Variants in FNDC3A observed in about 807,000 individuals in gnomAD.
FNDC3A encodes fibronectin type III domain containing 3A, also known as fibronectin type-III domain-containing protein 3A.
In FNDC3A, 32 loss-of-function variants were observed where a neutral mutation model predicts 148.9. The observed-to-expected ratio is 0.21, with a 90% CI of 0.16 to 0.29. The LOEUF is 0.29. Among genes scored for constraint, FNDC3A ranks in the 10% least tolerant of loss-of-function variants. The probability of loss-of-function intolerance (pLI) is 1.00; values close to 1 mark genes in which losing one functional copy is unlikely to be tolerated. For missense variants in FNDC3A, 1,191 were observed against 1,452.8 expected, an observed-to-expected ratio of 0.82 and a Z score of 2.93; for synonymous variants, 472 against 473.6, an observed-to-expected ratio of 1.00 and a Z score of 0.04.
At chr13:49,125,604 G>A (rs1026000166) in intron 4 of FNDC3A, among the ~76,000 whole-genome samples, 1 of 152,106 alleles carries the variant, frequency 6.6e-6, no homozygotes, top group Non-Finnish European at 1.5e-5. Flanking sequence ...TAAAGAGAGG[G>A]AGAAAGAAAT....
Position 48,992,151 on chromosome 13 carries a change from A to G in FNDC3A, c.-39-14001A>G, listed in dbSNP as rs115645401. On this transcript the variant is annotated intron_variant, in intron 1 of 25. Coordinates refer to ENST00000492622, the MANE Select transcript of FNDC3A (RefSeq NM_001079673.2). ...TAATGCAATTTTAGCAGAGATTTCA[A>G]TACCCCTCTCAATGGAAAGTAGAAA... 3.3e-3 allele frequency among the ~76,000 whole-genome samples: 501 copies of G among 152,376 alleles called. 4 individuals are homozygous for G. Among genetic ancestry groups the G allele is most frequent in the African/African-American group, 0.01 (430 of 41,590 alleles).
Position 49,138,817 on chromosome 13 carries a change from A to G in FNDC3A, c.819+12A>G. On this transcript the variant is annotated intron_variant, in intron 7 of 25. Transcript: ENST00000492622. The stretch of plus-strand genomic sequence containing the variant: ...TTGTCAAACCAGTGGTAAGTATCTT[A>G]TGTATTTTATTGATGTTTATATTTA... The G allele has an allele frequency of 7.2e-7, 1 of 1,380,508 alleles. No homozygotes were observed. Among genetic ancestry groups the G allele is most frequent in the Non-Finnish European group, 1.0e-6 (1 of 992,400 alleles). 85.5% of individuals were successfully genotyped at this position (1,380,508 alleles called of 1,614,324 possible).
chr13:49,150,557 A>G (rs1324782535), intron 8 of FNDC3A, among the ~76,000 whole-genome samples: 1 of 151,960 alleles, frequency 6.6e-6, no homozygotes. Flanking sequence ...TTTAGTTTCC[A>G]GGTAGTTGCA....
At chr13:49,164,027 C>CAGGG (rs1884316854) in intron 8 of FNDC3A, among the ~76,000 whole-genome samples, 1 of 152,124 alleles carries the variant, frequency 6.6e-6, no homozygotes, top group Admixed American at 6.5e-5. Flanking sequence ...CCCTTTGTTC[C>CAGGG]AGGTGTAAGA....
intron 10 of FNDC3A, among the ~76,000 whole-genome samples, chr13:49,170,304 C>T (rs557297425): frequency 1.3e-5 from 2 of 152,100 alleles, no homozygotes; most frequent in East Asian, 3.9e-4. Flanking sequence ...ACATAATGAG[C>T]GTAATAACTA....
chr13:49,116,359 G>A (rs1056590853), intron 4 of FNDC3A, among the ~76,000 whole-genome samples: 1 of 152,072 alleles, frequency 6.6e-6, no homozygotes, highest in Non-Finnish European at 1.5e-5. Context: ...GTTCAACAGT[G>A]TTCCACAAAT....
intron 2 of FNDC3A, among the ~76,000 whole-genome samples, chr13:49,019,070 G>A (rs1478551397): frequency 5.9e-5 from 9 of 152,248 alleles, no homozygotes; most frequent in Non-Finnish European, 1.0e-4. Flanking sequence ...TCTGTGCCCT[G>A]CCCCCAGAGG....
At chr13:49,179,303 C>G (rs1350394784) in intron 14 of FNDC3A, among the ~76,000 whole-genome samples, 1 of 152,162 alleles carries the variant, frequency 6.6e-6, no homozygotes, top group African/African-American at 2.4e-5. Flanking sequence ...TGTAGCATAT[C>G]AAGTGGTGTA....
chr13:49,019,881 T>TTG (rs1056419587), intron 2 of FNDC3A, among the ~76,000 whole-genome samples: 10 of 152,204 alleles, frequency 6.6e-5, no homozygotes, highest in Admixed American at 3.3e-4. Flanking sequence ...TTGGTTAAAT[T>TTG]TGTGTTTGTT....
At chr13:49,009,250 A>T (rs1437231494) in intron 2 of FNDC3A, among the ~76,000 whole-genome samples, 2 of 152,176 alleles carry the variant, frequency 1.3e-5, no homozygotes, top group Admixed American at 6.6e-5. Context: ...GGCTTCTCCC[A>T]CTTAGCAGTA....
chr13:49,122,232 A>G (rs1242880061), intron 4 of FNDC3A, among the ~76,000 whole-genome samples: 2 of 152,216 alleles, frequency 1.3e-5, no homozygotes, highest in Non-Finnish European at 2.9e-5. Flanking sequence ...TCACATAAAC[A>G]GCACCAATGA....
chr13:49,185,335 G>T (rs1479804696), intron 14 of FNDC3A, among the ~76,000 whole-genome samples: 2 of 152,158 alleles, frequency 1.3e-5, no homozygotes, highest in Non-Finnish European at 2.9e-5. Flanking sequence ...TAATTCTGAT[G>T]CAGGGTCTCT....
chr13:49,126,359 A>G (rs78480476), intron 4 of FNDC3A, among the ~76,000 whole-genome samples: 11 of 152,104 alleles, frequency 7.2e-5, no homozygotes, highest in Non-Finnish European at 1.5e-4. Context: ...CATTAGGTAC[A>G]TTTACAGCAT....
At chr13:49,194,203 C>T (rs186228569) in intron 19 of FNDC3A, among the ~76,000 whole-genome samples, 1 of 151,648 alleles carries the variant, frequency 6.6e-6, no homozygotes, top group Non-Finnish European at 1.5e-5. Flanking sequence ...GTGGAGGTTG[C>T]AGTGAGCTGA....
chr13:49,142,378 T>G (rs976978217), intron 7 of FNDC3A, among the ~76,000 whole-genome samples: 3 of 152,224 alleles, frequency 2.0e-5, no homozygotes, highest in African/African-American at 7.2e-5. Context: ...CAGGTTTTCC[T>G]GGGTTACAGT....
chr13:49,104,585 A>G (rs890485033), intron 3 of FNDC3A, among the ~76,000 whole-genome samples: 33 of 152,210 alleles, frequency 2.2e-4, no homozygotes, highest in Admixed American at 1.8e-3. Context: ...GGAGACTTCC[A>G]TTTCAAGTCA....
intron 16 of FNDC3A, among the ~76,000 whole-genome samples, chr13:49,188,278 A>G (rs1885690878): frequency 6.6e-6 from 1 of 152,226 alleles, no homozygotes; most frequent in East Asian, 1.9e-4. Context: ...AATCTAGGCC[A>G]AAGTCTGTAC....
At chr13:49,050,695 T>G (rs1304677948) in intron 2 of FNDC3A, among the ~76,000 whole-genome samples, 1 of 152,222 alleles carries the variant, frequency 6.6e-6, no homozygotes, top group Non-Finnish European at 1.5e-5. Flanking sequence ...ATTGTTTCTT[T>G]GTTGACTTTC....
chr13:49,122,304 C>A (rs1471932860), intron 4 of FNDC3A, among the ~76,000 whole-genome samples: 1 of 152,022 alleles, frequency 6.6e-6, no homozygotes, highest in Non-Finnish European at 1.5e-5. Context: ...TGAAGGCCTT[C>A]ATGCTAAAAA....
Sources: gnomAD v4.1 joint callset for allele counts (sites outside exome capture counted in the v4.1 genomes callset) on GRCh38, gnomAD v4.1.1 for gene constraint, MANE v1.5 for transcripts, NCBI Gene and HGNC (gene_info 2026-07-23, HGNC 2026-07-21) for gene names.